SCAPER: variants seen among roughly 807,000 people sequenced by gnomAD.
The protein encoded by SCAPER is S phase cyclin A-associated protein in the endoplasmic reticulum.
A neutral mutation model predicts 182.2 loss-of-function variants in SCAPER; 98 were observed. The ratio of observed to expected loss-of-function variants is 0.54; its 90% CI spans 0.46 to 0.64. The LOEUF is 0.64. Among genes scored for constraint, SCAPER ranks in the 30% least tolerant of loss-of-function variants. The pLI, the probability that SCAPER is intolerant of heterozygous loss-of-function variation, is 0.00. For synonymous variants in SCAPER, 605 were observed against 564.6 expected (o/e 1.07, Z -1.01); for missense variants, 1,432 against 1,690.0 (o/e 0.85, Z 2.68).
intron 24 of SCAPER, among the ~76,000 whole-genome samples, chr15:76,478,484 ACT>A (rs1349150577): frequency 4.6e-5 from 7 of 151,490 alleles, no homozygotes; most frequent in South Asian, 4.2e-4. Context: ...ATTCTTTCTC[ACT>A]CTCACTATGA....
At chr15:76,661,794 C>T (rs113292979) in intron 21 of SCAPER, among the ~76,000 whole-genome samples, 11,579 of 152,172 alleles carry the variant, frequency 0.076, 498 homozygotes, top group Middle Eastern at 0.1. Flanking sequence ...GGATCTAGAA[C>T]CAGAAACACC....
intron 22 of SCAPER, among the ~76,000 whole-genome samples, chr15:76,614,059 T>C (rs1051470643): frequency 6.6e-6 from 1 of 152,136 alleles, no homozygotes; most frequent in African/African-American, 2.4e-5. Context: ...TGGAATATAA[T>C]ACAGCCATAA....
chr15:76,719,457 C>G (rs1435425589), intron 17 of SCAPER, among the ~76,000 whole-genome samples: 1 of 152,074 alleles, frequency 6.6e-6, no homozygotes, highest in African/African-American at 2.4e-5. Context: ...GTAAGATGAA[C>G]AAGTCTAGAG....
At chr15:76,608,125 T>C (rs2050622673) in intron 22 of SCAPER, among the ~76,000 whole-genome samples, 1 of 152,172 alleles carries the variant, frequency 6.6e-6, no homozygotes, top group African/African-American at 2.4e-5. Context: ...TTTCTGCTGT[T>C]TTTTTTCCCC....
At chr15:76,888,189 G>T (rs2073960120) in intron 1 of SCAPER, among the ~76,000 whole-genome samples, 1 of 152,178 alleles carries the variant, frequency 6.6e-6, no homozygotes, top group Non-Finnish European at 1.5e-5. Flanking sequence ...CAACATCAAA[G>T]ACCAAAGGTA....
chr15:76,697,678 C>T (rs980358784), intron 20 of SCAPER, among the ~76,000 whole-genome samples: 8 of 151,986 alleles, frequency 5.3e-5, no homozygotes, highest in African/African-American at 9.7e-5. Flanking sequence ...TCACTCTTGT[C>T]GCCCAGGCTA....
intron 17 of SCAPER, among the ~76,000 whole-genome samples, chr15:76,716,897 A>C (rs1056847087): frequency 3.3e-5 from 5 of 151,834 alleles, no homozygotes; most frequent in African/African-American, 1.2e-4. Flanking sequence ...GGACTTAGGA[A>C]GAGAGAGAGA....
At chr15:76,453,729 C>T (rs2048531684) in intron 25 of SCAPER, among the ~76,000 whole-genome samples, 1 of 152,154 alleles carries the variant, frequency 6.6e-6, no homozygotes, top group Non-Finnish European at 1.5e-5. Flanking sequence ...ATATACTATA[C>T]TTTGAAATTA....
At chr15:76,696,930 A>G (rs1425359583) in intron 20 of SCAPER, among the ~76,000 whole-genome samples, 1 of 152,206 alleles carries the variant, frequency 6.6e-6, no homozygotes, top group Non-Finnish European at 1.5e-5. Flanking sequence ...TCAAATTACA[A>G]TAAAAACACA....
At chr15:76,749,352 T>G (rs1013531646) in intron 15 of SCAPER, among the ~76,000 whole-genome samples, 1 of 152,088 alleles carries the variant, frequency 6.6e-6, no homozygotes, top group African/African-American at 2.4e-5. Context: ...CTCAATTTGA[T>G]AACAAACATC....
intron 26 of SCAPER, among the ~76,000 whole-genome samples, chr15:76,410,641 T>C (rs2142210603): frequency 6.6e-6 from 1 of 152,356 alleles, no homozygotes; most frequent in East Asian, 1.9e-4. Flanking sequence ...GGTCACATCC[T>C]ATCAGGCTAA....
chr15:76,546,853 T>A (rs2045338453), intron 23 of SCAPER, among the ~76,000 whole-genome samples: 1 of 152,154 alleles, frequency 6.6e-6, no homozygotes, highest in Non-Finnish European at 1.5e-5. Context: ...GGATAGTTCA[T>A]TAATGTTTTT....
chr15:76,386,095 A>G (rs780124755), intron 27 of SCAPER, among the ~76,000 whole-genome samples: 4 of 152,172 alleles, frequency 2.6e-5, no homozygotes, highest in Non-Finnish European at 5.9e-5. Context: ...TGCAGCTTCA[A>G]AGCCAGCAAC....
chr15:76,857,602 G>A (rs12911174), intron 4 of SCAPER, among the ~76,000 whole-genome samples: 58,231 of 151,900 alleles, frequency 0.38, 13,085 homozygotes, highest in Middle Eastern at 0.52. Context: ...CGAAGGGTAC[G>A]AGAACCAAAC....
chr15:76,488,316 C>T (rs1275193808), intron 24 of SCAPER, among the ~76,000 whole-genome samples: 1 of 152,060 alleles, frequency 6.6e-6, no homozygotes, highest in East Asian at 1.9e-4. Context: ...TGAATACCTA[C>T]AATTATATAG....
intron 5 of SCAPER, 22 bp downstream of exon 5, chr15:76,841,712 A>G (rs2069501398): frequency 6.8e-6 from 11 of 1,609,814 alleles, no homozygotes; most frequent in Non-Finnish European, 9.3e-6. Flanking sequence ...AATGGATTAC[A>G]AGGCCTCAAA....
chr15:76,674,823 T>C (rs1026577435), intron 20 of SCAPER, among the ~76,000 whole-genome samples: 6 of 127,722 alleles, frequency 4.7e-5, no homozygotes, highest in African/African-American at 1.6e-4. Context: ...GTTTTATACA[T>C]AATATATATT....
chr15:76,733,102 CT>C, intron 16 of SCAPER, 126 bp downstream of exon 16: 1 of 875,646 alleles, frequency 1.1e-6, no homozygotes, highest in South Asian at 1.8e-5. Flanking sequence ...ATTTCTTTGT[CT>C]TATGTCTTTA....
At chr15:76,387,386 A>G (rs2043358280) in intron 27 of SCAPER, among the ~76,000 whole-genome samples, 1 of 152,242 alleles carries the variant, frequency 6.6e-6, no homozygotes, top group South Asian at 2.1e-4. Flanking sequence ...TTTCACAGGT[A>G]TATCTCCAGG....
Sources: allele counts gnomAD v4.1 joint callset (sites outside exome capture counted in the v4.1 genomes callset), GRCh38; gene constraint gnomAD v4.1.1; transcripts MANE v1.5; gene names NCBI Gene and HGNC (gene_info 2026-07-23, HGNC 2026-07-21).